LIG1: variants seen among roughly 807,000 people sequenced by gnomAD.
LIG1 encodes DNA ligase 1.
Under a neutral mutation model 115.7 loss-of-function variants are expected in LIG1, and 70 were observed. The observed-to-expected ratio is 0.60, with a 90% CI of 0.50 to 0.74. The LOEUF is 0.74. Among genes scored for constraint, LIG1 ranks in the 30% least tolerant of loss-of-function variants. The pLI is 0.00. For missense variants in LIG1, 1,115 were observed against 1,225.6 expected, an observed-to-expected ratio of 0.91 and a Z score of 1.35; for synonymous variants, 487 against 495.3, an observed-to-expected ratio of 0.98 and a Z score of 0.22.
intron 19 of LIG1, among the ~76,000 whole-genome samples, chr19:48,129,591 G>A (rs912640836): frequency 2.6e-5 from 4 of 152,134 alleles, no homozygotes; most frequent in Non-Finnish European, 5.9e-5. Context: ...AAAGCAGCCA[G>A]ATGCAAGAGA....
chr19:48,156,960 A>AAT, intron 5 of LIG1, 54 bp downstream of exon 5: 1 of 1,359,916 alleles, frequency 7.4e-7, no homozygotes, highest in Non-Finnish European at 9.8e-7. Context: ...AAAAAAAAAA[A>AAT]AAGAGAAAAA....
rs1568472967 is a variant in LIG1, at chr19:48,117,965, GAGAAACAGA to G, written c.2440-193_2440-185del. 12 of 646,176 alleles carry G rather than the reference GAGAAACAGA, an allele frequency of 1.9e-5. No individual in the cohort carries two copies. In the African/African-American group the frequency reaches 2.2e-4, roughly 12 times the overall value. The allele number at this position is 646,176 out of a possible 1,614,324, so 40.0% of individuals were successfully genotyped here. ...CCCTTGAAGTAAACAGAAATAGAAA[GAGAAACAGA>G]AAGTGAAAGAAGGGAAAAGAAACAA... On this transcript the variant is annotated intron_variant, in intron 25 of 27. Coordinates refer to ENST00000263274, the MANE Select transcript of LIG1 (RefSeq NM_000234.3).
chr19:48,136,395 G>C (rs2034392331), intron 14 of LIG1, among the ~76,000 whole-genome samples: 1 of 152,216 alleles, frequency 6.6e-6, no homozygotes, highest in Non-Finnish European at 1.5e-5. Flanking sequence ...GCTGCCCTGA[G>C]GGGTTGGCGA....
chr19:48,148,900 G>A (rs1484636718), intron 9 of LIG1, among the ~76,000 whole-genome samples: 2 of 152,208 alleles, frequency 1.3e-5, no homozygotes, highest in South Asian at 2.1e-4. Context: ...GGGGCAGGGC[G>A]GCCGGCTCTC....
intron 19 of LIG1, 132 bp from the exon 20 acceptor site, chr19:48,128,152 AGAT>A: frequency 1.4e-6 from 1 of 731,808 alleles, no homozygotes; most frequent in South Asian, 1.4e-5. Context: ...AGGTGCACAC[AGAT>A]GCTTTTCTTT....
intron 2 of LIG1, among the ~76,000 whole-genome samples, chr19:48,162,666 C>T (rs1051144491): frequency 6.6e-6 from 1 of 152,048 alleles, no homozygotes; most frequent in Non-Finnish European, 1.5e-5. Flanking sequence ...ATCTCCTGAC[C>T]TTGTGATCTG....
chr19:48,147,671 CA>C (rs1389740383), intron 9 of LIG1, among the ~76,000 whole-genome samples: 1 of 145,274 alleles, frequency 6.9e-6, no homozygotes, highest in Admixed American at 6.8e-5. Flanking sequence ...AAACAAAAAA[CA>C]AAAAACCCAA....
At chr19:48,142,998 G>C (rs1568517661) in intron 11 of LIG1, among the ~76,000 whole-genome samples, 1 of 152,136 alleles carries the variant, frequency 6.6e-6, no homozygotes, top group African/African-American at 2.4e-5. Flanking sequence ...GGGGTGAGGA[G>C]GACAAGGAGA....
In LIG1 at chr19:48,121,213, G is replaced by A; in HGVS notation, c.2342C>T (p.Ala781Val). 1.2e-6 allele frequency: 2 copies of A among 1,614,020 alleles called. No individual in the cohort carries two copies. Among genetic ancestry groups the A allele is most frequent in the Non-Finnish European group, 8.5e-7 (1 of 1,180,006 alleles). ...CTCCTCACTGTCCTCGTCGTAGGAG[G>A]CCAGCAGGAAGCCCCCGTACCGGCC... is the stretch of plus-strand genomic sequence containing the variant. ...RAGRYGGFLL[A>V]SYDEDSEELQ... The change falls in exon 24 of 28, where the codon GCC becomes GTC. Residue 781 changes from alanine (A) to valine (V), a missense_variant. Coordinates refer to ENST00000263274, the MANE Select transcript of LIG1 (RefSeq NM_000234.3).
chr19:48,156,250 G>A (rs1391663731), intron 5 of LIG1, among the ~76,000 whole-genome samples: 2 of 152,012 alleles, frequency 1.3e-5, no homozygotes, highest in African/African-American at 4.8e-5. Context: ...TTTGCTTGTT[G>A]CCTCTTCTTT....
In LIG1 at chr19:48,150,142, C is replaced by T. The variant is rs751869703; in HGVS notation, c.643G>A (p.Glu215Lys). 1.1e-5 allele frequency: 17 copies of T among 1,614,196 alleles called. No individual in the cohort carries two copies. Among genetic ancestry groups the T allele is most frequent in the Non-Finnish European group, 1.4e-5 (17 of 1,180,028 alleles). Residue 215 changes from glutamate (E) to lysine (K), a missense_variant, in exon 8 of 28, where the codon GAA becomes AAA. By Grantham distance (56) the Glu-to-Lys change is moderately conservative. Coordinates refer to ENST00000263274, the MANE Select transcript of LIG1 (RefSeq NM_000234.3). ...VATKQELQEE[E>K]EQTKPPRRAP... ...CTGCGGGGAGGCTTGGTCTGCTCTT[C>T]CTCCTCCTGCAGTTCCTGCTTCGTG...
intron 9 of LIG1, among the ~76,000 whole-genome samples, chr19:48,144,650 C>T (rs2035001312): frequency 6.6e-6 from 1 of 152,010 alleles, no homozygotes; most frequent in Non-Finnish European, 1.5e-5. Context: ...TACAGGCGTA[C>T]ACGACCACAC....
rs1006314223 is a variant in LIG1, at chr19:48,137,222, T to C, written c.1255-138A>G. The C allele has an allele frequency of 1.5e-5, 12 of 803,328 alleles. 1 individual carries two copies. In the Admixed American group the frequency reaches 2.3e-4, roughly 15 times the overall value. 49.8% of individuals were successfully genotyped at this position (803,328 alleles called of 1,614,324 possible). ...CCCCATCCCCATGTCCCAGCTCCCA[T>C]GGCCGCCCACTCTTAGGGCAGTAAG... On this transcript the variant is annotated intron_variant, in intron 13 of 27. Coordinates refer to ENST00000263274, the MANE Select transcript of LIG1 (RefSeq NM_000234.3). This position sits in a 1 kb window ranked among gnomAD's most constrained non-coding sequence, Gnocchi z 4.3.
chr19:48,157,304 C>A (rs1395556777), intron 4 of LIG1, among the ~76,000 whole-genome samples, 164 bp from the exon 5 acceptor site: 1 of 152,134 alleles, frequency 6.6e-6, no homozygotes, highest in Non-Finnish European at 1.5e-5. Context: ...GGGCCATCAT[C>A]CCGCCCTCCA....
At chr19:48,166,058 A>G (rs141022431) in intron 1 of LIG1, among the ~76,000 whole-genome samples, 1 of 152,318 alleles carries the variant, frequency 6.6e-6, no homozygotes, top group Admixed American at 6.5e-5. Context: ...ATTTCAAACA[A>G]AGGGCAGAAT....
At chr19:48,142,432 G>C (rs2034822699) in intron 11 of LIG1, among the ~76,000 whole-genome samples, 1 of 42,376 alleles carries the variant, frequency 2.4e-5, no homozygotes, top group Non-Finnish European at 4.4e-5. Context: ...AACAGAGCAA[G>C]ACTCCATCTC....
In LIG1 at chr19:48,127,488, G is replaced by A. The variant is rs546395160; in HGVS notation, c.1933-140C>T. 15 of 759,056 alleles carry A rather than the reference G, an allele frequency of 2.0e-5. No homozygotes were observed. The East Asian group carries it at 3.7e-4, about 19-fold the overall frequency. The allele number at this position is 759,056 out of a possible 1,614,324, so 47.0% of individuals were successfully genotyped here. The stretch of plus-strand genomic sequence containing the variant: ...CATCTGTGAGGGCGGCCATGCTGCT[G>A]GCTCCAGGTGCTGGATCGTTAACGG... On this transcript the variant is annotated intron_variant, in intron 20 of 27. Coordinates refer to ENST00000263274, the MANE Select transcript of LIG1 (RefSeq NM_000234.3).
At chr19:48,136,176 T>A (rs2034379308) in intron 14 of LIG1, 51 bp from the exon 15 acceptor site, 23 of 1,368,620 alleles carry the variant, frequency 1.7e-5, no homozygotes, top group Non-Finnish European at 2.2e-5. Flanking sequence ...CTCCCCAATC[T>A]TGCCTCCTCC....
chr19:48,163,907 T>C (rs1367550334), intron 2 of LIG1, among the ~76,000 whole-genome samples: 1 of 140,608 alleles, frequency 7.1e-6, no homozygotes, highest in Non-Finnish European at 1.5e-5. Context: ...ATCGCGCCAC[T>C]GCACTCCAGC....
Sources: allele counts gnomAD v4.1 joint callset (sites outside exome capture counted in the v4.1 genomes callset), GRCh38; gene constraint gnomAD v4.1.1; non-coding constraint Gnocchi (gnomAD v3.1); transcripts MANE v1.5; gene names NCBI Gene and HGNC (gene_info 2026-07-23, HGNC 2026-07-21).